Variants in NRXN3 observed in about 807,000 individuals in gnomAD.
The protein encoded by NRXN3 is neurexin 3.
A neutral mutation model predicts 137.6 loss-of-function variants in NRXN3; 32 were observed. The observed-to-expected ratio is 0.23, with a 90% CI of 0.18 to 0.31. The LOEUF is 0.31. Among genes scored for constraint, NRXN3 ranks in the 10% least tolerant of loss-of-function variants. The probability of loss-of-function intolerance (pLI) is 1.00; values close to 1 mark genes in which losing one functional copy is unlikely to be tolerated. For synonymous variants in NRXN3, 798 were observed against 784.5 expected, an observed-to-expected ratio of 1.02 and a Z score of -0.29; for missense variants, 1,574 against 2,062.5, an observed-to-expected ratio of 0.76 and a Z score of 4.59.
At chr14:78,435,279 T>C (rs552762337) in intron 4 of NRXN3, among the ~76,000 whole-genome samples, 1 of 152,330 alleles carries the variant, frequency 6.6e-6, no homozygotes, top group South Asian at 2.1e-4. Context: ...GACATAGTAT[T>C]GGCCACTATT....
chr14:78,706,990 T>C (rs2098358675), intron 6 of NRXN3, among the ~76,000 whole-genome samples: 1 of 152,178 alleles, frequency 6.6e-6, no homozygotes, highest in South Asian at 2.1e-4. Flanking sequence ...AGGCTTATTT[T>C]AGAAATTAGC....
intron 15 of NRXN3, among the ~76,000 whole-genome samples, chr14:79,402,596 A>G (rs1462885473): frequency 1.3e-5 from 2 of 152,124 alleles, no homozygotes; most frequent in African/African-American, 4.8e-5. Context: ...AATTCCCCTC[A>G]CCTACCTTAA....
At chr14:78,711,458 T>TTTTTTTTTC (rs2098407606) in intron 7 of NRXN3, among the ~76,000 whole-genome samples, 1 of 65,844 alleles carries the variant, frequency 1.5e-5, no homozygotes, top group Non-Finnish European at 3.2e-5. Flanking sequence ...TTTTTTTTTT[T>TTTTTTTTTC]GAGACAGAGT....
chr14:78,912,810 G>A (rs985355415), intron 10 of NRXN3, among the ~76,000 whole-genome samples: 3 of 152,238 alleles, frequency 2.0e-5, no homozygotes, highest in African/African-American at 7.2e-5. Context: ...GAGAATACAT[G>A]GAGGATTATA....
At chr14:79,111,270 A>G (rs1173605032) in intron 15 of NRXN3, among the ~76,000 whole-genome samples, 1 of 152,230 alleles carries the variant, frequency 6.6e-6, no homozygotes, top group Non-Finnish European at 1.5e-5. Flanking sequence ...GCATTTGACT[A>G]CTACTCAATC....
At chr14:79,380,450 C>T (rs1202399180) in intron 15 of NRXN3, among the ~76,000 whole-genome samples, 4 of 148,634 alleles carry the variant, frequency 2.7e-5, no homozygotes, top group African/African-American at 5.0e-5. Context: ...ATGCGGTGTT[C>T]GGTTTTCTGT....
At chr14:79,798,906 G>T (rs1302965826) in intron 19 of NRXN3, among the ~76,000 whole-genome samples, 1 of 152,140 alleles carries the variant, frequency 6.6e-6, no homozygotes, top group African/African-American at 2.4e-5. Flanking sequence ...ATAATTAGAA[G>T]CCAATGATTA....
At chr14:79,832,824 G>A (rs964338511) in intron 20 of NRXN3, among the ~76,000 whole-genome samples, 5 of 151,974 alleles carry the variant, frequency 3.3e-5, no homozygotes, top group African/African-American at 1.2e-4. Flanking sequence ...TTGCACATAT[G>A]GACACCAAAC....
chr14:79,474,316 G>C (rs1325356314), intron 16 of NRXN3, among the ~76,000 whole-genome samples: 2 of 152,172 alleles, frequency 1.3e-5, no homozygotes, highest in Non-Finnish European at 2.9e-5. Flanking sequence ...ATGGAGAATG[G>C]TGGTTTTCCT....
chr14:78,390,031 G>A (rs1285438419), intron 4 of NRXN3, among the ~76,000 whole-genome samples: 2 of 152,064 alleles, frequency 1.3e-5, no homozygotes, highest in African/African-American at 4.8e-5. Context: ...GTATATATGA[G>A]GTTCTCTACT....
rs74694415 is a variant in NRXN3, at chr14:79,650,794, C to T, written c.3445-12984C>T. Reference sequence around the variant, plus strand: ...AATAAAGGTACTTCTTGGGGGAAAACATGACTACATGTTAAAATTCTGAAT... The same window carrying T: ...AATAAAGGTACTTCTTGGGGGAAAATATGACTACATGTTAAAATTCTGAAT... On this transcript the variant is annotated intron_variant, in intron 16 of 20. Coordinates refer to ENST00000335750, the MANE Select transcript of NRXN3 (RefSeq NM_001330195.2). 4.5e-3 allele frequency among the ~76,000 whole-genome samples: 680 copies of T among 152,212 alleles called. 4 individuals are homozygous for T. The highest frequency in any genetic ancestry group is 0.016 in the African/African-American group (646 of 41,532).
chr14:78,431,346 G>A (rs2093871744), intron 4 of NRXN3, among the ~76,000 whole-genome samples: 1 of 152,180 alleles, frequency 6.6e-6, no homozygotes, highest in Admixed American at 6.5e-5. Flanking sequence ...AAATCTAATG[G>A]GAAGGGAAGA....
chr14:79,284,687 T>C (rs1253099421), intron 15 of NRXN3, among the ~76,000 whole-genome samples: 1 of 152,074 alleles, frequency 6.6e-6, no homozygotes, highest in African/African-American at 2.4e-5. Context: ...GAAGTGGTGG[T>C]GATGGGCCCC....
chr14:78,756,565 AG>A (rs1159202310), intron 8 of NRXN3, among the ~76,000 whole-genome samples: 3 of 149,304 alleles, frequency 2.0e-5, no homozygotes, highest in Non-Finnish European at 4.5e-5. Flanking sequence ...AAAAAAAAAA[AG>A]GTTCACTGTA....
At chr14:78,532,729 G>T (rs57732400) in intron 4 of NRXN3, among the ~76,000 whole-genome samples, 5 of 151,074 alleles carry the variant, frequency 3.3e-5, no homozygotes, top group African/African-American at 1.2e-4. Flanking sequence ...GTTTATCTTC[G>T]CTTTCTTCTT....
At chr14:79,443,190 TTCC>T (rs2095996908) in intron 15 of NRXN3, among the ~76,000 whole-genome samples, 1 of 152,240 alleles carries the variant, frequency 6.6e-6, no homozygotes, top group African/African-American at 2.4e-5. Flanking sequence ...TGTATTTGAC[TTCC>T]TCCTTGCACA....
chr14:79,657,062 A>T (rs1257390018), intron 16 of NRXN3, among the ~76,000 whole-genome samples: 1 of 151,908 alleles, frequency 6.6e-6, no homozygotes, highest in Non-Finnish European at 1.5e-5. Flanking sequence ...CTCCAAACCC[A>T]TCATTAACAT....
intron 15 of NRXN3, among the ~76,000 whole-genome samples, chr14:79,322,871 C>T (rs536693097): frequency 1.7e-4 from 26 of 152,252 alleles, no homozygotes; most frequent in African/African-American, 6.3e-4. Flanking sequence ...TCATTGCTTT[C>T]ACAAACAAGA....
intron 6 of NRXN3, among the ~76,000 whole-genome samples, chr14:78,696,842 C>G (rs939806847): frequency 2.6e-5 from 4 of 152,066 alleles, no homozygotes; most frequent in African/African-American, 9.7e-5. Flanking sequence ...ATAGGAAGCT[C>G]TCTGTTAATA....
Sources: allele counts gnomAD v4.1 joint callset (sites outside exome capture counted in the v4.1 genomes callset), GRCh38; gene constraint gnomAD v4.1.1; transcripts MANE v1.5; gene names NCBI Gene and HGNC (gene_info 2026-07-23, HGNC 2026-07-21).